CATSPERB: variants seen among roughly 807,000 people sequenced by gnomAD.
CATSPERB encodes the protein cation channel sperm-associated auxiliary subunit beta.
In CATSPERB, 93 loss-of-function variants were observed where a neutral mutation model predicts 128.3. The observed-to-expected ratio is 0.72, with a 90% CI of 0.61 to 0.86. The LOEUF (loss-of-function observed/expected upper bound fraction) is 0.86, where lower values mean the gene tolerates loss of function less well. Ranked by LOEUF, CATSPERB falls within the 40% of genes least tolerant of loss-of-function variation. CATSPERB has a pLI of 0.00. For missense variants in CATSPERB, 1,153 were observed against 1,329.5 expected (o/e 0.87, Z 2.06); for synonymous variants, 381 against 448.8 (o/e 0.85, Z 1.91).
intron 7 of CATSPERB, among the ~76,000 whole-genome samples, chr14:91,696,427 A>G (rs1195745285): frequency 1.3e-5 from 2 of 152,228 alleles, no homozygotes; most frequent in Non-Finnish European, 2.9e-5. Context: ...TGGGCATAAA[A>G]GACTGGCTGT....
At chr14:91,590,702 G>A (rs1359951562) in intron 23 of CATSPERB, among the ~76,000 whole-genome samples, 1 of 151,308 alleles carries the variant, frequency 6.6e-6, no homozygotes, top group African/African-American at 2.4e-5. Context: ...GCCCAGGCTA[G>A]AGTGCAGTGA....
chr14:91,607,531 G>C (rs1893734255), intron 22 of CATSPERB, among the ~76,000 whole-genome samples: 1 of 152,188 alleles, frequency 6.6e-6, no homozygotes, highest in Non-Finnish European at 1.5e-5. Flanking sequence ...CATGGCTAGA[G>C]CAGATCAAGC....
At position 91,731,972 on chromosome 14, in the gene CATSPERB, A is replaced by G. The variant is rs528138410; in HGVS notation, c.-43T>C. 3.3e-5 allele frequency: 5 copies of G among 152,336 alleles called. No homozygotes were observed. The South Asian group carries it at 1.0e-3, about 32-fold the overall frequency. The allele number at this position is 152,336 out of a possible 1,614,324, so 9.4% of individuals were successfully genotyped here. ...AACTAGTTGTGTTCTTCTTTTTTAT[A>G]TTTTTTCTCAGTTTTCTTCCATATA... On this transcript the variant is annotated 5_prime_UTR_variant, in exon 1 of 27. Coordinates refer to ENST00000256343, the MANE Select transcript of CATSPERB (RefSeq NM_024764.4).
intron 11 of CATSPERB, among the ~76,000 whole-genome samples, chr14:91,683,038 G>C (rs1261880338): frequency 6.6e-6 from 1 of 152,002 alleles, no homozygotes; most frequent in African/African-American, 2.4e-5. Flanking sequence ...TCCCAATAAC[G>C]GATTGGTTTA....
At chr14:91,666,173 A>C (rs1008221341) in intron 14 of CATSPERB, among the ~76,000 whole-genome samples, 10 of 152,234 alleles carry the variant, frequency 6.6e-5, no homozygotes, top group Non-Finnish European at 1.3e-4. Flanking sequence ...TGCCTACAGC[A>C]GGTCAAATAT....
At chr14:91,626,177 A>T (rs773677102) in intron 17 of CATSPERB, among the ~76,000 whole-genome samples, 1 of 152,112 alleles carries the variant, frequency 6.6e-6, no homozygotes, top group Non-Finnish European at 1.5e-5. Context: ...TATAAAATGT[A>T]AAACTATAAA....
At position 91,617,710 on chromosome 14, in the gene CATSPERB, G is replaced by C. The variant is rs952394077; in HGVS notation, c.2287C>G (p.Leu763Val). ...TTAGGGTTTCCAACAAACACAGTCA[G>C]TAGTGGTATTTCAAGCATTCGAAAA... is the stretch of plus-strand genomic sequence containing the variant. ...KGFRMLEIPL[L>V]TVFVGNPNLL... Residue 763 changes from leucine to valine, a missense_variant, in exon 20 of 27, where the codon CTG becomes GTG. Physicochemically the swap from Leu to Val is conservative, Grantham distance 32 (BLOSUM62 1). Coordinates refer to ENST00000256343, the MANE Select transcript of CATSPERB (RefSeq NM_024764.4). The C allele has an allele frequency of 2.5e-6, 4 of 1,599,988 alleles. No homozygotes were observed. The highest frequency in any genetic ancestry group is 3.4e-6 in the Non-Finnish European group (4 of 1,175,428).
chr14:91,729,480 C>A lies in CATSPERB; in HGVS notation c.1-1G>T. 6.7e-7 allele frequency: 1 copy of A among 1,490,316 alleles called. No homozygotes were observed. 92.3% of individuals were successfully genotyped at this position (1,490,316 alleles called of 1,614,324 possible). A position where few individuals can be genotyped will look rare whatever the true frequency, so the allele number is the denominator to read the frequency against. Reference sequence around the variant, plus strand: ...AAACATATATAAGTGGCGATTCCATCTGTTGGAATAAATAAGAATTATTTT... The same window carrying A: ...AAACATATATAAGTGGCGATTCCATATGTTGGAATAAATAAGAATTATTTT... On this transcript the variant is annotated splice_acceptor_variant, in intron 1 of 26. Transcript: ENST00000256343. LOFTEE classifies it low-confidence loss of function (5UTR_SPLICE).
chr14:91,719,333 C>A, intron 5 of CATSPERB, 85 bp downstream of exon 5: 1 of 978,760 alleles, frequency 1.0e-6, no homozygotes, highest in Non-Finnish European at 1.5e-6. Context: ...TAACAAATCA[C>A]TTTTAAGATA....
chr14:91,678,665 G>A (rs1350482657), intron 11 of CATSPERB, among the ~76,000 whole-genome samples: 1 of 152,168 alleles, frequency 6.6e-6, no homozygotes, highest in East Asian at 1.9e-4. Context: ...GTCTTCAGAA[G>A]TGTCAGCATA....
At chr14:91,584,064 T>C (rs1339588763) in intron 26 of CATSPERB, among the ~76,000 whole-genome samples, 22 of 151,614 alleles carry the variant, frequency 1.5e-4, no homozygotes, top group Admixed American at 1.4e-3. Context: ...GGGTACTTTC[T>C]TTTTTTTCCT....
intron 24 of CATSPERB, among the ~76,000 whole-genome samples, chr14:91,589,017 A>G (rs983705166): frequency 1.3e-5 from 2 of 152,250 alleles, no homozygotes; most frequent in African/African-American, 2.4e-5. Flanking sequence ...TGAACACAAA[A>G]TGTGCAACAA....
chr14:91,604,026 C>T (rs1893654996), intron 22 of CATSPERB, among the ~76,000 whole-genome samples: 1 of 141,452 alleles, frequency 7.1e-6, no homozygotes, highest in African/African-American at 2.6e-5. Context: ...CTCTCTCTCT[C>T]TCTCTTCTTT....
intron 22 of CATSPERB, among the ~76,000 whole-genome samples, chr14:91,594,650 GA>G (rs770849084): frequency 1.3e-5 from 2 of 152,074 alleles, no homozygotes; most frequent in Non-Finnish European, 2.9e-5. Flanking sequence ...TGTAAAAATG[GA>G]CTAATACAAT....
chr14:91,679,478 C>G (rs1221921716), intron 11 of CATSPERB, among the ~76,000 whole-genome samples: 1 of 151,930 alleles, frequency 6.6e-6, no homozygotes, highest in East Asian at 1.9e-4. Flanking sequence ...CCATGGATGG[C>G]CTATATCAGA....
intron 6 of CATSPERB, among the ~76,000 whole-genome samples, chr14:91,706,709 T>C (rs1407304275): frequency 1.3e-5 from 2 of 152,226 alleles, no homozygotes; most frequent in Non-Finnish European, 2.9e-5. Flanking sequence ...TTGATTCCTA[T>C]TTCCCAGTGT....
At chr14:91,702,276 A>G (rs1216143016) in intron 7 of CATSPERB, among the ~76,000 whole-genome samples, 1 of 152,082 alleles carries the variant, frequency 6.6e-6, no homozygotes, top group East Asian at 2.0e-4. Flanking sequence ...AAAGGAGCCA[A>G]GTTTCTATCT....
Position 91,674,191 on chromosome 14 carries a change from G to T in CATSPERB, c.963C>A (p.Asn321Lys). The change falls in exon 12 of 27, where the codon AAC becomes AAA. Residue 321 changes from asparagine to lysine, a missense_variant. By Grantham distance (94) the Asn-to-Lys change is moderately conservative. Transcript: ENST00000256343. ...VDYVTVTFER[N>K]RTLSESSSCF... is the part of the protein sequence containing the mutation. ...AATATCATACCTCACTTAGGGTTCT[G>T]TTTCTCTCAAAGGTAACTGTAACAT... 6.5e-7 allele frequency: 1 copy of T among 1,541,540 alleles called. No individual in the cohort carries two copies. The highest frequency in any genetic ancestry group is 8.9e-7 in the Non-Finnish European group (1 of 1,123,920).
intron 26 of CATSPERB, among the ~76,000 whole-genome samples, chr14:91,583,349 GC>G (rs1230540457): frequency 1.3e-4 from 10 of 75,450 alleles, no homozygotes; most frequent in East Asian, 2.3e-3. Context: ...TACCCGGGAG[GC>G]GGAACTTGCA....
Sources: allele counts gnomAD v4.1 joint callset (sites outside exome capture counted in the v4.1 genomes callset), GRCh38; gene constraint gnomAD v4.1.1; transcripts MANE v1.5; gene names NCBI Gene and HGNC (gene_info 2026-07-23, HGNC 2026-07-21).